The following AATF variants were observed in gnomAD, a reference collection of about 807,000 sequenced individuals.
The protein encoded by AATF is apoptosis antagonizing transcription factor, also known as protein AATF.
A neutral mutation model predicts 63.7 loss-of-function variants in AATF; 48 were observed. That is an observed-to-expected ratio of 0.75 (90% CI 0.60 to 0.96). AATF has a LOEUF of 0.96. Among genes scored for constraint, AATF ranks in the 40% least tolerant of loss-of-function variants. The pLI is 0.00. For synonymous variants in AATF, 258 were observed against 247.7 expected, an observed-to-expected ratio of 1.04 and a Z score of -0.39; for missense variants, 639 against 685.7, an observed-to-expected ratio of 0.93 and a Z score of 0.76.
intron 10 of AATF, among the ~76,000 whole-genome samples, chr17:37,030,086 G>A (rs1470894475): frequency 3.3e-5 from 5 of 151,738 alleles, no homozygotes; most frequent in South Asian, 2.1e-4. Context: ...CTGGGTTGGT[G>A]TGGGGGTATA....
chr17:36,997,093 A>G (rs985914471), intron 8 of AATF, among the ~76,000 whole-genome samples: 31 of 152,220 alleles, frequency 2.0e-4, no homozygotes, highest in African/African-American at 7.5e-4. Flanking sequence ...GTGTCAGCCA[A>G]CTGAGTGTAA....
rs1567962929 is a variant in AATF at position 36,953,774 on chromosome 17, G to GT, written c.700dup (p.Trp234LeufsTer45). 3.7e-6 allele frequency: 6 copies of GT among 1,613,564 alleles called. No individual in the cohort carries two copies. In the South Asian group the frequency reaches 6.6e-5, roughly 18 times the overall value. On this transcript the variant is annotated frameshift_variant, in exon 4 of 12. Transcript: ENST00000619387. LOFTEE classifies it high-confidence loss of function. Reference sequence around the variant, plus strand: ...ATTCTCTTTTCTTCTTTTCAGCACTGTGGGACCAGCTCTTGGAAGGAAGGA... The same window carrying GT: ...ATTCTCTTTTCTTCTTTTCAGCACTGTTGGGACCAGCTCTTGGAAGGAAGGA...
intron 8 of AATF, 73 bp downstream of exon 8, chr17:36,990,930 A>G (rs2071209961): frequency 8.8e-7 from 1 of 1,139,170 alleles, no homozygotes; most frequent in Non-Finnish European, 1.2e-6. Flanking sequence ...TTCTCTGAAC[A>G]AAGAAGTTGC....
chr17:36,950,239 G>A lies in AATF; in HGVS notation c.117G>A (p.Arg39=), dbSNP rs749544598. Residue 39 remains arginine (R), a synonymous_variant, in exon 2 of 12, where the codon AGG becomes AGA. Transcript: ENST00000619387. ...CCACTGCTGCCAGGGTGATTGACAG[G>A]TTTGATGAAGGGGAAGATGGGGAAG... ...EEATAARVID[R]FDEGEDGEGD... The A allele has an allele frequency of 3.7e-6, 6 of 1,614,126 alleles. No homozygotes were observed. The highest frequency in any genetic ancestry group is 1.1e-5 in the South Asian group (1 of 91,078).
At chr17:36,970,420 G>A (rs2071029791) in intron 4 of AATF, among the ~76,000 whole-genome samples, 1 of 152,084 alleles carries the variant, frequency 6.6e-6, no homozygotes, top group Non-Finnish European at 1.5e-5. Context: ...ACCTTAATCA[G>A]TGGAATAGAA....
At chr17:37,037,058 T>C (rs919202210) in intron 11 of AATF, among the ~76,000 whole-genome samples, 7 of 150,530 alleles carry the variant, frequency 4.7e-5, no homozygotes, top group Non-Finnish European at 1.0e-4. Flanking sequence ...ACCCAGGCTG[T>C]AGTGCAGTGG....
chr17:37,047,509 C>G (rs912119105), intron 11 of AATF, among the ~76,000 whole-genome samples: 1 of 152,212 alleles, frequency 6.6e-6, no homozygotes, highest in Non-Finnish European at 1.5e-5. Flanking sequence ...CCCTCTCCTC[C>G]CTGTTCCCCA....
rs751749621 is a variant in AATF, at chr17:36,988,737, G to A, written c.1149+17G>A. The A allele has an allele frequency of 8.7e-6, 14 of 1,611,564 alleles. No homozygotes were observed. Among genetic ancestry groups the A allele is most frequent in the South Asian group, 4.4e-5 (4 of 90,788 alleles). On this transcript the variant is annotated intron_variant, in intron 6 of 11. Coordinates refer to ENST00000619387, the MANE Select transcript of AATF (RefSeq NM_012138.4). ...CTGGGGAAGGCAAGTGTGTGTATGCGCGCATGTATGTGTAAGATAGGTTGT... is the reference window on the plus strand; with the variant it reads ...CTGGGGAAGGCAAGTGTGTGTATGCACGCATGTATGTGTAAGATAGGTTGT...
intron 8 of AATF, among the ~76,000 whole-genome samples, chr17:36,991,888 CAA>C (rs2071218170): frequency 6.6e-6 from 1 of 152,104 alleles, no homozygotes; most frequent in Non-Finnish European, 1.5e-5. Flanking sequence ...CCCGGCCAGA[CAA>C]ATTATACTTC....
intron 8 of AATF, among the ~76,000 whole-genome samples, chr17:37,015,224 T>C (rs1266665524): frequency 6.6e-6 from 1 of 152,264 alleles, no homozygotes; most frequent in Non-Finnish European, 1.5e-5. Flanking sequence ...TGCTGTGAAC[T>C]GACCTCTTTG....
At chr17:37,002,964 A>C (rs1203793411) in intron 8 of AATF, among the ~76,000 whole-genome samples, 1 of 147,768 alleles carries the variant, frequency 6.8e-6, no homozygotes, top group African/African-American at 2.5e-5. Flanking sequence ...TCATATGGAA[A>C]TGTAAGGACC....
At chr17:37,029,306 T>C (rs1456733828) in intron 10 of AATF, among the ~76,000 whole-genome samples, 2 of 151,630 alleles carry the variant, frequency 1.3e-5, no homozygotes, top group East Asian at 3.9e-4. Context: ...TGCAGTGGCC[T>C]GATCTCGGCT....
chr17:36,953,332 A>G (rs201504124), intron 3 of AATF, 36 bp downstream of exon 3: 2 of 1,585,848 alleles, frequency 1.3e-6, no homozygotes, highest in Non-Finnish European at 8.6e-7. Context: ...CTGTTTTTCA[A>G]AGTATCTGCA....
chr17:36,961,527 A>G (rs1421022128), intron 4 of AATF, among the ~76,000 whole-genome samples: 1 of 152,168 alleles, frequency 6.6e-6, no homozygotes, highest in Non-Finnish European at 1.5e-5. Context: ...AATCCAGAGT[A>G]TATTCTATAA....
intron 4 of AATF, among the ~76,000 whole-genome samples, chr17:36,977,844 T>C (rs2071090595): frequency 6.6e-6 from 1 of 152,192 alleles, no homozygotes; most frequent in African/African-American, 2.4e-5. Flanking sequence ...TCAGTAGCGA[T>C]GCAGGTTGTC....
intron 10 of AATF, among the ~76,000 whole-genome samples, chr17:37,029,033 TTTTG>T (rs538929475): frequency 3.3e-5 from 5 of 152,002 alleles, no homozygotes; most frequent in African/African-American, 7.3e-5. Context: ...GTGTGGGATT[TTTTG>T]TTTGTTTGTT....
intron 8 of AATF, among the ~76,000 whole-genome samples, chr17:37,002,112 G>C (rs1186369122): frequency 6.7e-6 from 1 of 148,284 alleles, no homozygotes. Flanking sequence ...TGAGGCAGGA[G>C]AATCACTTGA....
intron 4 of AATF, among the ~76,000 whole-genome samples, chr17:36,978,841 T>C (rs192049974): frequency 1.7e-4 from 26 of 151,760 alleles, no homozygotes; most frequent in African/African-American, 5.6e-4. Context: ...GCCCAAACAG[T>C]AATACTGACA....
At chr17:37,028,386 A>G (rs1298607515) in intron 10 of AATF, among the ~76,000 whole-genome samples, 1 of 152,126 alleles carries the variant, frequency 6.6e-6, no homozygotes, top group Non-Finnish European at 1.5e-5. Context: ...GTGAGCCGTG[A>G]TCGCACACTG....
Sources: gnomAD v4.1 joint callset for allele counts (sites outside exome capture counted in the v4.1 genomes callset) on GRCh38, gnomAD v4.1.1 for gene constraint, MANE v1.5 for transcripts, NCBI Gene and HGNC (gene_info 2026-07-23, HGNC 2026-07-21) for gene names.